PRDM5: variants seen among roughly 807,000 people sequenced by gnomAD.
PRDM5 encodes the protein PR/SET domain 5.
Under a neutral mutation model 81.2 loss-of-function variants are expected in PRDM5, and 56 were observed. The observed-to-expected ratio is 0.69, with a 90% CI of 0.56 to 0.86. PRDM5 has a LOEUF of 0.86. Ranked by LOEUF, PRDM5 falls within the 40% of genes least tolerant of loss-of-function variation. The pLI is 0.00. For missense variants in PRDM5, 697 were observed against 770.1 expected, an observed-to-expected ratio of 0.91 and a Z score of 1.12; for synonymous variants, 267 against 256.4, an observed-to-expected ratio of 1.04 and a Z score of -0.39.
downstream of PRDM5, among the ~76,000 whole-genome samples, chr4:120,691,380 T>G (rs1734041329): frequency 6.6e-6 from 1 of 152,128 alleles, no homozygotes; most frequent in South Asian, 2.1e-4. Flanking sequence ...CAGCTGATTC[T>G]GAAAAATCAA....
intron 13 of PRDM5, chr4:120,762,884 CA>C (rs1175419966): frequency 6.6e-6 from 1 of 152,132 alleles, no homozygotes; most frequent in Non-Finnish European, 1.5e-5. Context: ...AGAAGGACAA[CA>C]AAAACCTGAA....
At chr4:120,857,389 A>T (rs896298851) in intron 2 of PRDM5, among the ~76,000 whole-genome samples, 1 of 152,144 alleles carries the variant, frequency 6.6e-6, no homozygotes. Context: ...TAGGAAAGGG[A>T]AAGATACCTT....
intron 4 of PRDM5, among the ~76,000 whole-genome samples, chr4:120,819,580 G>A (rs1754998624): frequency 6.6e-6 from 1 of 152,088 alleles, no homozygotes; most frequent in South Asian, 2.1e-4. Context: ...CTTGGTTCAT[G>A]TGTTTAAAAA....
chr4:120,730,238 C>T (rs1740047411), intron 14 of PRDM5, among the ~76,000 whole-genome samples: 1 of 152,126 alleles, frequency 6.6e-6, no homozygotes, highest in South Asian at 2.1e-4. Flanking sequence ...ATATCTATGT[C>T]ATAGCATTTT....
intron 13 of PRDM5, among the ~76,000 whole-genome samples, chr4:120,769,928 A>C (rs755948166): frequency 2.0e-5 from 3 of 152,232 alleles, no homozygotes; most frequent in Non-Finnish European, 2.9e-5. Context: ...ATGAAGCTAG[A>C]TGTTAAAGTA....
At chr4:120,735,766 A>C (rs1285487510) in intron 14 of PRDM5, among the ~76,000 whole-genome samples, 1 of 152,136 alleles carries the variant, frequency 6.6e-6, no homozygotes, top group Non-Finnish European at 1.5e-5. Context: ...ATCTCTGCCC[A>C]AAATCACCTG....
intron 14 of PRDM5, among the ~76,000 whole-genome samples, chr4:120,729,047 C>G (rs1350058362): frequency 1.3e-5 from 2 of 152,110 alleles, no homozygotes; most frequent in Non-Finnish European, 2.9e-5. Flanking sequence ...GGCTTTCCCT[C>G]TAATGAATTA....
At chr4:120,883,088 G>A (rs774269099) in intron 2 of PRDM5, among the ~76,000 whole-genome samples, 38 of 152,148 alleles carry the variant, frequency 2.5e-4, no homozygotes, top group Non-Finnish European at 5.1e-4. Context: ...GTATGCTTAA[G>A]GTTAAATTAG....
intron 1 of PRDM5, among the ~76,000 whole-genome samples, chr4:120,920,271 CA>C (rs1404202262): frequency 1.3e-5 from 2 of 152,144 alleles, no homozygotes; most frequent in East Asian, 3.8e-4. Context: ...GAGTGTTATA[CA>C]AGCATATGTG....
chr4:120,783,286 A>C (rs1484321566), intron 11 of PRDM5, among the ~76,000 whole-genome samples: 1 of 152,076 alleles, frequency 6.6e-6, no homozygotes, highest in Admixed American at 6.6e-5. Flanking sequence ...TTACTCACTC[A>C]GTTATCAAAG....
At chr4:120,752,990 GTCTCACCT>G (rs1561093427) in intron 14 of PRDM5, among the ~76,000 whole-genome samples, 1 of 152,126 alleles carries the variant, frequency 6.6e-6, no homozygotes, top group East Asian at 1.9e-4. Flanking sequence ...AATTGGAAAT[GTCTCACCT>G]TCTTGAGAAA....
chr4:120,898,471 G>A (rs1156381217), intron 2 of PRDM5, among the ~76,000 whole-genome samples: 1 of 152,124 alleles, frequency 6.6e-6, no homozygotes, highest in Non-Finnish European at 1.5e-5. Flanking sequence ...CCTCTAGACA[G>A]GCTGAGCTCA....
At chr4:120,754,216 C>T (rs1392692991) in intron 14 of PRDM5, among the ~76,000 whole-genome samples, 1 of 152,052 alleles carries the variant, frequency 6.6e-6, no homozygotes, top group African/African-American at 2.4e-5. Context: ...AAAAAATGTT[C>T]CTATTACTGG....
At chr4:120,900,333 G>A (rs2148658073) in intron 2 of PRDM5, among the ~76,000 whole-genome samples, 2 of 152,188 alleles carry the variant, frequency 1.3e-5, no homozygotes, top group South Asian at 4.1e-4. Flanking sequence ...GGGGACTCCA[G>A]CCTCCAGTCA....
intron 14 of PRDM5, among the ~76,000 whole-genome samples, chr4:120,732,397 C>A (rs1040367421): frequency 2.0e-5 from 3 of 151,986 alleles, no homozygotes; most frequent in African/African-American, 7.2e-5. Flanking sequence ...GAAACTTTGT[C>A]CTTTTCACAT....
At chr4:120,874,713 A>T (rs570974325) in intron 2 of PRDM5, among the ~76,000 whole-genome samples, 5 of 152,214 alleles carry the variant, frequency 3.3e-5, no homozygotes, top group Non-Finnish European at 7.3e-5. Flanking sequence ...TGTGAAAAAA[A>T]TCTAGCCAAA....
At chr4:120,885,220 C>T (rs1463361840) in intron 2 of PRDM5, among the ~76,000 whole-genome samples, 2 of 150,562 alleles carry the variant, frequency 1.3e-5, no homozygotes, top group African/African-American at 2.4e-5. Context: ...AGGAGATCTA[C>T]TAGGAGAAGA....
At chr4:120,781,356 C>T in intron 11 of PRDM5, 53 bp from the exon 12 acceptor site, 2 of 1,523,480 alleles carry the variant, frequency 1.3e-6, no homozygotes, top group Non-Finnish European at 1.8e-6. Flanking sequence ...CTATTAATTT[C>T]CTCCCATGTA....
downstream of PRDM5, among the ~76,000 whole-genome samples, chr4:120,688,892 T>A (rs1733936038): frequency 6.6e-6 from 1 of 152,184 alleles, no homozygotes; most frequent in African/African-American, 2.4e-5. Flanking sequence ...AATTTTGTAA[T>A]ACGTTTTGAA....
Sources: allele counts gnomAD v4.1 joint callset (sites outside exome capture counted in the v4.1 genomes callset), GRCh38; gene constraint gnomAD v4.1.1; transcripts MANE v1.5; gene names NCBI Gene and HGNC (gene_info 2026-07-23, HGNC 2026-07-21).